MRPS24: variants seen among roughly 807,000 people sequenced by gnomAD.
MRPS24 encodes the protein small ribosomal subunit protein uS3m.
In MRPS24, 15 loss-of-function variants were observed where a neutral mutation model predicts 21.8. That is an observed-to-expected ratio of 0.69 (90% CI 0.46 to 1.06). The LOEUF (loss-of-function observed/expected upper bound fraction) is 1.06. MRPS24 is among the 50% of genes least tolerant of loss of function. The probability of loss-of-function intolerance (pLI) is 0.00; values close to 1 mark genes in which losing one functional copy is unlikely to be tolerated. For synonymous variants in MRPS24, 93 were observed against 93.7 expected (o/e 0.99, Z 0.04); for missense variants, 224 against 219.1 (o/e 1.02, Z -0.14).
At position 43,866,855 on chromosome 7, in the gene MRPS24, C is replaced by T; in HGVS notation, c.348G>A (p.Gln116=). The change falls in exon 4 of 4, where the codon CAG becomes CAA. Residue 116 remains glutamine, a synonymous_variant. Coordinates refer to ENST00000317534, the MANE Select transcript of MRPS24 (RefSeq NM_032014.3). ...DQLVLKRRGN[Q]LEICAVVLRQ... ...TCAGGACCACGGCACAGATCTCCAA[C>T]TGGTTACCCCGGCGCTTTAAAACCA... 6.2e-7 allele frequency: 1 copy of T among 1,614,234 alleles called. No homozygotes were observed. Among genetic ancestry groups the T allele is most frequent in the Non-Finnish European group, 8.5e-7 (1 of 1,180,032 alleles).
In MRPS24 at chr7:43,867,020, T is replaced by C. The variant is rs368840092; in HGVS notation, c.221-38A>G. On this transcript the variant is annotated intron_variant, in intron 3 of 3. Transcript: ENST00000317534. The stretch of plus-strand genomic sequence containing the variant: ...GGGCATAATAGAAGAATCAGCCTCA[T>C]TGCCCCAGGGCCCTGCCATAACTCC... The C allele has an allele frequency of 4.4e-5, 71 of 1,600,446 alleles. 1 individual carries two copies. Among genetic ancestry groups the C allele is most frequent in the South Asian group, 3.7e-4 (33 of 89,420 alleles).
In MRPS24 at chr7:43,869,367, A is replaced by G; in HGVS notation, c.49T>C (p.Trp17Arg). ...SGLLGPRVLS[W>R]SRELPCAWRA... ...CAAGCGCAAGGCAGCTCTCGGCTCC[A>G]GGACAGCACCTGTGGAGGGAGGGCG... Residue 17 changes from tryptophan (W) to arginine (R), a missense_variant, in exon 2 of 4, where the codon TGG becomes CGG. Transcript: ENST00000317534. This position sits in a 1 kb window ranked among gnomAD's most constrained non-coding sequence, Gnocchi z 4.8. 6.5e-7 allele frequency: 1 copy of G among 1,549,288 alleles called. No homozygotes were observed. Among genetic ancestry groups the G allele is most frequent in the Non-Finnish European group, 8.7e-7 (1 of 1,146,678 alleles).
intron 3 of MRPS24, chr7:43,868,334 C>T (rs1447263931): frequency 6.6e-6 from 1 of 152,142 alleles, no homozygotes; most frequent in Non-Finnish European, 1.5e-5. Flanking sequence ...ACACCTTTTA[C>T]AGTACGAGAG....
At position 43,869,498 on chromosome 7, in the gene MRPS24, TG is replaced by T. The variant is rs1289087661; in HGVS notation, c.-4del. 4 of 1,566,674 alleles carry T rather than the reference TG, an allele frequency of 2.6e-6. No homozygotes were observed. The Admixed American group carries it at 7.4e-5, about 29-fold the overall frequency. On this transcript the variant is annotated 5_prime_UTR_variant, in exon 1 of 4. Transcript: ENST00000317534. The surrounding 1 kb of genome is among the most constrained non-coding windows in gnomAD (Gnocchi z 4.8). ...CCGCTGCACACGGAGGCCGCCATCT[TG>T]GGCCAAGCGGAGCGCGGGACGTACC...
intron 3 of MRPS24, 54 bp downstream of exon 3, chr7:43,868,909 G>C: frequency 6.3e-7 from 1 of 1,588,120 alleles, no homozygotes; most frequent in South Asian, 1.1e-5. Flanking sequence ...TGTTCATTTT[G>C]TTTACATGAC....
Position 43,869,465 on chromosome 7 carries a change from C to A in MRPS24, c.31G>T (p.Gly11Trp). 1 of 1,567,730 alleles carries A rather than the reference C, an allele frequency of 6.4e-7. No homozygotes were observed. Among genetic ancestry groups the A allele is most frequent in the Non-Finnish European group, 8.6e-7 (1 of 1,157,434 alleles). Residue 11 changes from glycine to tryptophan, a missense_variant, in exon 1 of 4, where the codon GGG becomes TGG. Coordinates refer to ENST00000317534, the MANE Select transcript of MRPS24 (RefSeq NM_032014.3). This position sits in a 1 kb window ranked among gnomAD's most constrained non-coding sequence, Gnocchi z 4.8. MAASVCSGLLGPRVLSWSREL... is the reference protein window; with the variant it reads MAASVCSGLLWPRVLSWSREL... Reference sequence around the variant, plus strand: ...CGAGTCGCCCCACTCACCCGTGGCCCCAGCAACCCGCTGCACACGGAGGCC... The same window carrying A: ...CGAGTCGCCCCACTCACCCGTGGCCACAGCAACCCGCTGCACACGGAGGCC...
rs1003533494 is a variant in MRPS24, at chr7:43,869,177, C to T, written c.109-103G>A. 3.4e-6 allele frequency: 5 copies of T among 1,486,424 alleles called. No individual in the cohort carries two copies. The highest frequency in any genetic ancestry group is 2.6e-5 in the South Asian group (2 of 76,006). The allele number at this position is 1,486,424 out of a possible 1,614,324, so 92.1% of individuals were successfully genotyped here. A position where few individuals can be genotyped will look rare whatever the true frequency, so the allele number is the denominator to read the frequency against. On this transcript the variant is annotated intron_variant, in intron 2 of 3. Coordinates refer to ENST00000317534, the MANE Select transcript of MRPS24 (RefSeq NM_032014.3). The surrounding 1 kb of genome is among the most constrained non-coding windows in gnomAD (Gnocchi z 4.8). ...TGGCACTGTTCCCCGGCCCCAATCC[C>T]CTGATCCCTAAGCCCCGACCCTAGC...
chr7:43,868,006 T>G (rs1316665605), intron 3 of MRPS24: 1 of 152,198 alleles, frequency 6.6e-6, no homozygotes, highest in Non-Finnish European at 1.5e-5. Context: ...AGGGTTAGAT[T>G]CCTTTCAGCC....
Position 43,866,831 on chromosome 7 carries a change from C to T in MRPS24, c.372G>A (p.Leu124=), listed in dbSNP as rs752530128. The T allele has an allele frequency of 8.1e-6, 13 of 1,614,114 alleles. No individual in the cohort carries two copies. In the Admixed American group the frequency reaches 8.3e-5, roughly 10 times the overall value. The change falls in exon 4 of 4, where the codon CTG becomes CTA. Residue 124 remains leucine, a synonymous_variant. Coordinates refer to ENST00000317534, the MANE Select transcript of MRPS24 (RefSeq NM_032014.3). The stretch of plus-strand genomic sequence containing the variant: ...AGTACTTGTGTGGAGACAACTGCCT[C>T]AGGACCACGGCACAGATCTCCAACT... ...GNQLEICAVV[L]RQLSPHKYYF...
Position 43,869,496 on chromosome 7 carries a change from C to G in MRPS24, c.-1G>C. The G allele has an allele frequency of 2.6e-6, 4 of 1,567,570 alleles. No homozygotes were observed. Among genetic ancestry groups the G allele is most frequent in the Non-Finnish European group, 3.5e-6 (4 of 1,158,290 alleles). ...ACCCGCTGCACACGGAGGCCGCCAT[C>G]TTGGGCCAAGCGGAGCGCGGGACGT... On this transcript the variant is annotated 5_prime_UTR_variant, in exon 1 of 4. Transcript: ENST00000317534. The surrounding 1 kb of genome is among the most constrained non-coding windows in gnomAD (Gnocchi z 4.8).
chr7:43,869,501 G>A lies in MRPS24; in HGVS notation c.-6C>T, dbSNP rs779894767. On this transcript the variant is annotated 5_prime_UTR_variant, in exon 1 of 4. Transcript: ENST00000317534. The surrounding 1 kb of genome is among the most constrained non-coding windows in gnomAD (Gnocchi z 4.8). Reference sequence around the variant, plus strand: ...CTGCACACGGAGGCCGCCATCTTGGGCCAAGCGGAGCGCGGGACGTACCAC... The same window carrying A: ...CTGCACACGGAGGCCGCCATCTTGGACCAAGCGGAGCGCGGGACGTACCAC... The A allele has an allele frequency of 6.4e-7, 1 of 1,564,908 alleles. No individual in the cohort carries two copies. Among genetic ancestry groups the A allele is most frequent in the East Asian group, 2.4e-5 (1 of 42,296 alleles).
chr7:43,869,259 C>CCGCCCCCCG lies in MRPS24; in HGVS notation c.108+48_108+49insCGGGGGGCG. ...CAGCCCGCACGGCTTCCCCGGCCCC[C>CCGCCCCCCG]GGCCCCCCGGCCCCCAGGCCCCCAG... On this transcript the variant is annotated intron_variant, in intron 2 of 3. Transcript: ENST00000317534. The surrounding 1 kb of genome is among the most constrained non-coding windows in gnomAD (Gnocchi z 4.8). The CCGCCCCCCG allele has an allele frequency of 6.9e-7, 1 of 1,448,352 alleles. No homozygotes were observed. Among genetic ancestry groups the CCGCCCCCCG allele is most frequent in the Non-Finnish European group, 9.1e-7 (1 of 1,095,586 alleles). The allele number at this position is 1,448,352 out of a possible 1,614,324, so 89.7% of individuals were successfully genotyped here. A position where few individuals can be genotyped will look rare whatever the true frequency, so the allele number is the denominator to read the frequency against.
rs2095838820 is a variant in MRPS24 at position 43,869,193 on chromosome 7, C to G, written c.108+115G>C. ...CCCCAATCCCCTGATCCCTAAGCCC[C>G]GACCCTAGCCCCGCCTCGGACCCCA... On this transcript the variant is annotated intron_variant, in intron 2 of 3. Coordinates refer to ENST00000317534, the MANE Select transcript of MRPS24 (RefSeq NM_032014.3). This position sits in a 1 kb window ranked among gnomAD's most constrained non-coding sequence, Gnocchi z 4.8. The G allele has an allele frequency of 6.8e-6, 10 of 1,474,668 alleles. No individual in the cohort carries two copies. The highest frequency in any genetic ancestry group is 1.4e-5 in the South Asian group (1 of 73,950). 91.3% of individuals were successfully genotyped at this position (1,474,668 alleles called of 1,614,324 possible).
At chr7:43,867,877 G>T (rs2095837656) in intron 3 of MRPS24, 1 of 152,048 alleles carries the variant, frequency 6.6e-6, no homozygotes, top group Admixed American at 6.6e-5. Context: ...AAACATCCAA[G>T]AACCCCTGTA....
chr7:43,869,096 A>T lies in MRPS24; in HGVS notation c.109-22T>A, dbSNP rs2095838698. ...GGTTCTAGGAGCAAAAGGGGCCGTG[A>T]CTCCACGAGATCCCCGATCCAGACC... On this transcript the variant is annotated intron_variant, in intron 2 of 3. Transcript: ENST00000317534. This position sits in a 1 kb window ranked among gnomAD's most constrained non-coding sequence, Gnocchi z 4.8. 6.2e-7 allele frequency: 1 copy of T among 1,604,980 alleles called. No individual in the cohort carries two copies. Among genetic ancestry groups the T allele is most frequent in the African/African-American group, 1.3e-5 (1 of 74,606 alleles).
chr7:43,869,284 G>T lies in MRPS24; in HGVS notation c.108+24C>A. On this transcript the variant is annotated intron_variant, in intron 2 of 3. Transcript: ENST00000317534. This position sits in a 1 kb window ranked among gnomAD's most constrained non-coding sequence, Gnocchi z 4.8. ...CGGCCCCCCGGCCCCCAGGCCCCCA[G>T]GCCCCTGCCCCGGCGGTGCTCACCT... 9.3e-7 allele frequency: 1 copy of T among 1,073,122 alleles called. No individual in the cohort carries two copies. The highest frequency in any genetic ancestry group is 1.3e-6 in the Non-Finnish European group (1 of 781,560). The allele number at this position is 1,073,122 out of a possible 1,614,324, so 66.5% of individuals were successfully genotyped here. A position where few individuals can be genotyped will look rare whatever the true frequency, so the allele number is the denominator to read the frequency against.
chr7:43,867,880 C>A (rs188623046), intron 3 of MRPS24: 1 of 152,208 alleles, frequency 6.6e-6, no homozygotes, highest in Non-Finnish European at 1.5e-5. Context: ...CATCCAAGAA[C>A]CCCTGTACTA....
Position 43,869,145 on chromosome 7 carries a change from A to G in MRPS24, c.109-71T>C. 1 of 1,524,328 alleles carries G rather than the reference A, an allele frequency of 6.6e-7. No homozygotes were observed. Among genetic ancestry groups the G allele is most frequent in the Non-Finnish European group, 8.8e-7 (1 of 1,139,620 alleles). 94.4% of individuals were successfully genotyped at this position (1,524,328 alleles called of 1,614,324 possible). ...CCCCTACTTCGCGCCATGTCCCCCC[A>G]GTCAGCTGGCACTGTTCCCCGGCCC... is the stretch of plus-strand genomic sequence containing the variant. On this transcript the variant is annotated intron_variant, in intron 2 of 3. Coordinates refer to ENST00000317534, the MANE Select transcript of MRPS24 (RefSeq NM_032014.3). The surrounding 1 kb of genome is among the most constrained non-coding windows in gnomAD (Gnocchi z 4.8).
rs2095838788 is a variant in MRPS24 at position 43,869,165 on chromosome 7, C to T, written c.109-91G>A. Reference sequence around the variant, plus strand: ...CCCCCAGTCAGCTGGCACTGTTCCCCGGCCCCAATCCCCTGATCCCTAAGC... The same window carrying T: ...CCCCCAGTCAGCTGGCACTGTTCCCTGGCCCCAATCCCCTGATCCCTAAGC... On this transcript the variant is annotated intron_variant, in intron 2 of 3. Transcript: ENST00000317534. The surrounding 1 kb of genome is among the most constrained non-coding windows in gnomAD (Gnocchi z 4.8). 1.3e-6 allele frequency: 2 copies of T among 1,495,390 alleles called. No individual in the cohort carries two copies. Among genetic ancestry groups the T allele is most frequent in the Non-Finnish European group, 1.8e-6 (2 of 1,123,820 alleles). 92.6% of individuals were successfully genotyped at this position (1,495,390 alleles called of 1,614,324 possible). A position where few individuals can be genotyped will look rare whatever the true frequency, so the allele number is the denominator to read the frequency against.
Sources: gnomAD v4.1 joint callset for allele counts on GRCh38, gnomAD v4.1.1 for gene constraint, Gnocchi (gnomAD v3.1) non-coding constraint, MANE v1.5 for transcripts, NCBI Gene and HGNC (gene_info 2026-07-23, HGNC 2026-07-21) for gene names.